The following NRXN3 variants were observed in gnomAD, a reference collection of about 807,000 sequenced individuals.
NRXN3 encodes the protein neurexin III.
A neutral mutation model predicts 137.6 loss-of-function variants in NRXN3; 32 were observed. The observed-to-expected ratio is 0.23, with a 90% confidence interval of 0.18 to 0.31. NRXN3 has a LOEUF of 0.31. Among genes scored for constraint, NRXN3 ranks in the 10% least tolerant of loss-of-function variants. The probability of loss-of-function intolerance (pLI) is 1.00; values close to 1 mark genes in which losing one functional copy is unlikely to be tolerated. For missense variants in NRXN3, 1,574 were observed against 2,062.5 expected (o/e 0.76, Z 4.59); for synonymous variants, 798 against 784.5 (o/e 1.02, Z -0.29).
intron 16 of NRXN3, among the ~76,000 whole-genome samples, chr14:79,652,775 A>G (rs2098483294): frequency 6.6e-6 from 1 of 151,962 alleles, no homozygotes; most frequent in Admixed American, 6.6e-5. Flanking sequence ...TTGGGTGTCC[A>G]GATCATTCTC....
chr14:78,857,131 C>A (rs1462679223), intron 10 of NRXN3, among the ~76,000 whole-genome samples: 1 of 152,088 alleles, frequency 6.6e-6, no homozygotes, highest in East Asian at 1.9e-4. Context: ...TCAGGCCAGA[C>A]TCCTATACAG....
intron 19 of NRXN3, among the ~76,000 whole-genome samples, chr14:79,761,717 C>A (rs1389154128): frequency 2.0e-5 from 3 of 148,374 alleles, no homozygotes; most frequent in African/African-American, 7.6e-5. Context: ...AAATAGATCT[C>A]ACTAGAAGTA....
intron 16 of NRXN3, among the ~76,000 whole-genome samples, chr14:79,573,232 T>C (rs148420298): frequency 1.3e-4 from 20 of 152,286 alleles, no homozygotes; most frequent in African/African-American, 4.3e-4. Flanking sequence ...AGAGATTCTG[T>C]CATTTAACAA....
intron 15 of NRXN3, among the ~76,000 whole-genome samples, chr14:79,361,273 T>A (rs758405857): frequency 6.0e-4 from 92 of 152,208 alleles, no homozygotes; most frequent in Admixed American, 9.8e-4. Context: ...CAGTAAGCTA[T>A]CCTCAACCCC....
intron 14 of NRXN3, among the ~76,000 whole-genome samples, chr14:78,974,940 G>A (rs1320172617): frequency 6.6e-6 from 1 of 152,190 alleles, no homozygotes; most frequent in Non-Finnish European, 1.5e-5. Context: ...TGTAAGAAGT[G>A]ACGTAATGAG....
chr14:79,860,959 C>T, intron 20 of NRXN3: 1 of 789,320 alleles, frequency 1.3e-6, no homozygotes, highest in Non-Finnish European at 1.8e-6. Context: ...ATTTCTGAGG[C>T]ATAATCTGTG....
chr14:78,297,726 A>T, intron 3 of NRXN3, 105 bp from the exon 4 acceptor site: 1 of 877,922 alleles, frequency 1.1e-6, no homozygotes, highest in Non-Finnish European at 1.8e-6. Context: ...TTTTCCACTC[A>T]AGGATTAAGA....
chr14:78,340,034 A>G (rs1050275658), intron 4 of NRXN3, among the ~76,000 whole-genome samples: 3 of 152,218 alleles, frequency 2.0e-5, no homozygotes, highest in African/African-American at 4.8e-5. Flanking sequence ...GTGAGAAGAT[A>G]GCAAAAAAGA....
intron 20 of NRXN3, among the ~76,000 whole-genome samples, chr14:79,833,028 A>G (rs1053297368): frequency 6.6e-6 from 1 of 152,182 alleles, no homozygotes; most frequent in Non-Finnish European, 1.5e-5. Context: ...AGTGACTAAT[A>G]TAGATAAAGG....
At chr14:79,257,566 T>C (rs1322572797) in intron 15 of NRXN3, among the ~76,000 whole-genome samples, 1 of 132,716 alleles carries the variant, frequency 7.5e-6, no homozygotes, top group African/African-American at 3.0e-5. Flanking sequence ...GTGATGGTGG[T>C]GGTGGTGGTG....
At chr14:79,518,055 G>A (rs576411082) in intron 16 of NRXN3, among the ~76,000 whole-genome samples, 4 of 151,518 alleles carry the variant, frequency 2.6e-5, no homozygotes, top group South Asian at 4.2e-4. Flanking sequence ...ACAGGCAAGC[G>A]CCACCACACC....
intron 2 of NRXN3, among the ~76,000 whole-genome samples, chr14:78,263,604 AT>A (rs2071158459): frequency 6.6e-6 from 1 of 152,154 alleles, no homozygotes; most frequent in African/African-American, 2.4e-5. Flanking sequence ...TTACTGAATT[AT>A]TTTTAACAAG....
chr14:78,964,473 T>A (rs995673812), intron 11 of NRXN3, among the ~76,000 whole-genome samples: 1 of 152,190 alleles, frequency 6.6e-6, no homozygotes, highest in Non-Finnish European at 1.5e-5. Context: ...CAGGAGGTGT[T>A]AGGGGCTGAG....
At chr14:79,271,030 G>A (rs139223441) in intron 15 of NRXN3, among the ~76,000 whole-genome samples, 1 of 152,206 alleles carries the variant, frequency 6.6e-6, no homozygotes, top group Non-Finnish European at 1.5e-5. Context: ...ATACTACATA[G>A]CATCAAGAGG....
chr14:79,689,588 A>T (rs1463002003), intron 17 of NRXN3, among the ~76,000 whole-genome samples: 1 of 152,212 alleles, frequency 6.6e-6, no homozygotes, highest in East Asian at 1.9e-4. Context: ...TGGAAAACTT[A>T]AAACTTTTTT....
intron 4 of NRXN3, among the ~76,000 whole-genome samples, chr14:78,630,699 G>A (rs1426875548): frequency 2.0e-5 from 3 of 151,822 alleles, no homozygotes; most frequent in African/African-American, 2.4e-5. Flanking sequence ...CCGCCTCCTG[G>A]GTTCACGCCA....
chr14:78,709,973 C>A, intron 7 of NRXN3: 1 of 298,474 alleles, frequency 3.4e-6, no homozygotes, highest in Non-Finnish European at 6.3e-6. Flanking sequence ...TGTGATCCGC[C>A]CCCATTGCCC....
intron 10 of NRXN3, among the ~76,000 whole-genome samples, chr14:78,864,003 T>C (rs916147774): frequency 6.6e-6 from 1 of 152,178 alleles, no homozygotes; most frequent in Non-Finnish European, 1.5e-5. Flanking sequence ...GTGAACATAT[T>C]GTCTTTGAAA....
At chr14:78,951,090 A>G (rs1055234733) in intron 10 of NRXN3, among the ~76,000 whole-genome samples, 1 of 152,220 alleles carries the variant, frequency 6.6e-6, no homozygotes, top group African/African-American at 2.4e-5. Context: ...CCCAAATTTT[A>G]CAACTTTCAT....
Sources: allele counts gnomAD v4.1 joint callset (sites outside exome capture counted in the v4.1 genomes callset), GRCh38; gene constraint gnomAD v4.1.1; transcripts MANE v1.5; gene names NCBI Gene and HGNC (gene_info 2026-07-23, HGNC 2026-07-21).